The following PTPRD variants were observed in gnomAD, a reference collection of about 807,000 sequenced individuals.
PTPRD encodes the protein receptor-type tyrosine-protein phosphatase delta.
Under a neutral mutation model 214.5 loss-of-function variants are expected in PTPRD, and 34 were observed. The ratio of observed to expected loss-of-function variants is 0.16; its 90% CI spans 0.12 to 0.21. The LOEUF (loss-of-function observed/expected upper bound fraction) is 0.21. Ranked by LOEUF, PTPRD falls within the 10% of genes least tolerant of loss-of-function variation. The probability of loss-of-function intolerance (pLI) is 1.00; values close to 1 mark genes in which losing one functional copy is unlikely to be tolerated. For missense variants in PTPRD, 2,545 were observed against 2,398.7 expected, an observed-to-expected ratio of 1.06 and a Z score of -1.27; for synonymous variants, 1,128 against 845.7, an observed-to-expected ratio of 1.33 and a Z score of -5.79.
chr9:10,515,285 A>G (rs1449836630), intron 2 of PTPRD, among the ~76,000 whole-genome samples: 1 of 151,942 alleles, frequency 6.6e-6, no homozygotes, highest in Non-Finnish European at 1.5e-5. Context: ...AGAAATATAA[A>G]TTTTTTATGC....
At chr9:9,332,914 C>T (rs537610601) in intron 9 of PTPRD, among the ~76,000 whole-genome samples, 16 of 152,122 alleles carry the variant, frequency 1.1e-4, no homozygotes, top group African/African-American at 3.6e-4. Flanking sequence ...ATAAAAAGAA[C>T]TCTTACGCTG....
intron 7 of PTPRD, among the ~76,000 whole-genome samples, chr9:9,685,391 T>C (rs1193093121): frequency 6.6e-6 from 1 of 151,382 alleles, no homozygotes; most frequent in Non-Finnish European, 1.5e-5. Context: ...CAAATGCAAG[T>C]TCAGTAAAAG....
chr9:8,434,180 C>T (rs1405003531), intron 35 of PTPRD, among the ~76,000 whole-genome samples: 2 of 152,152 alleles, frequency 1.3e-5, no homozygotes, highest in Admixed American at 1.3e-4. Flanking sequence ...CGGGGTTTCA[C>T]CATGTTGACC....
At chr9:10,279,746 A>C (rs920013921) in intron 3 of PTPRD, among the ~76,000 whole-genome samples, 9 of 152,100 alleles carry the variant, frequency 5.9e-5, no homozygotes, top group African/African-American at 1.9e-4. Context: ...GCGACAGTTA[A>C]AATGTCAAGC....
At chr9:9,134,821 G>A (rs2099848427) in intron 10 of PTPRD, among the ~76,000 whole-genome samples, 1 of 152,122 alleles carries the variant, frequency 6.6e-6, no homozygotes, top group South Asian at 2.1e-4. Context: ...GTGTGTGTGT[G>A]TGTTTTCACT....
chr9:8,516,064 GT>G (rs1301529229), intron 21 of PTPRD, among the ~76,000 whole-genome samples: 1 of 152,150 alleles, frequency 6.6e-6, no homozygotes, highest in Non-Finnish European at 1.5e-5. Context: ...AAAGCTCAAA[GT>G]GGAATGTAAG....
chr9:8,945,197 C>G (rs1220218757), intron 11 of PTPRD, among the ~76,000 whole-genome samples: 3 of 140,600 alleles, frequency 2.1e-5, no homozygotes, highest in African/African-American at 7.7e-5. Context: ...TTGAATTTAT[C>G]AAACAGAAAA....
At chr9:9,254,625 T>G (rs1403964268) in intron 9 of PTPRD, among the ~76,000 whole-genome samples, 1 of 152,048 alleles carries the variant, frequency 6.6e-6, no homozygotes, top group Non-Finnish European at 1.5e-5. Flanking sequence ...ATGAAGATGA[T>G]TTGGAGTTGG....
At chr9:9,285,108 A>G (rs1191173162) in intron 9 of PTPRD, among the ~76,000 whole-genome samples, 1 of 151,788 alleles carries the variant, frequency 6.6e-6, no homozygotes, top group East Asian at 2.0e-4. Flanking sequence ...CATATTTGGC[A>G]TGAATAGTTT....
intron 30 of PTPRD, among the ~76,000 whole-genome samples, chr9:8,480,810 T>A (rs1188481152): frequency 6.6e-6 from 1 of 152,076 alleles, no homozygotes; most frequent in African/African-American, 2.4e-5. Flanking sequence ...GGATAAAAAT[T>A]ACACAAATAC....
chr9:9,313,049 T>C (rs1959986499), intron 9 of PTPRD, among the ~76,000 whole-genome samples: 1 of 152,172 alleles, frequency 6.6e-6, no homozygotes, highest in African/African-American at 2.4e-5. Context: ...CTCACATTTA[T>C]TTCAATGTTT....
intron 10 of PTPRD, among the ~76,000 whole-genome samples, chr9:9,140,424 G>C (rs1319312673): frequency 6.6e-6 from 1 of 152,016 alleles, no homozygotes; most frequent in Non-Finnish European, 1.5e-5. Flanking sequence ...AAATACTAAA[G>C]AAGGACAGAT....
chr9:9,709,881 A>G (rs1156700764), intron 7 of PTPRD, among the ~76,000 whole-genome samples: 1 of 152,072 alleles, frequency 6.6e-6, no homozygotes, highest in Non-Finnish European at 1.5e-5. Flanking sequence ...TCCTGAGGAA[A>G]CCTGTTTAAT....
intron 11 of PTPRD, among the ~76,000 whole-genome samples, chr9:8,779,580 C>A (rs1463423389): frequency 6.6e-6 from 1 of 152,314 alleles, no homozygotes; most frequent in South Asian, 2.1e-4. Context: ...AAGGCCCACT[C>A]TCTTTCTCTA....
At chr9:10,605,407 T>C (rs2079033402) in intron 2 of PTPRD, among the ~76,000 whole-genome samples, 1 of 151,940 alleles carries the variant, frequency 6.6e-6, no homozygotes, top group South Asian at 2.1e-4. Flanking sequence ...ATTGTGTCAA[T>C]ATTAGGATAG....
At chr9:10,360,381 A>G (rs1306112030) in intron 2 of PTPRD, among the ~76,000 whole-genome samples, 1 of 152,234 alleles carries the variant, frequency 6.6e-6, no homozygotes, top group Non-Finnish European at 1.5e-5. Flanking sequence ...ACTATATCAG[A>G]CAATGTCATG....
At chr9:9,928,481 G>A (rs151229055) in intron 5 of PTPRD, among the ~76,000 whole-genome samples, 1 of 152,014 alleles carries the variant, frequency 6.6e-6, no homozygotes, top group Admixed American at 6.6e-5. Context: ...AAACTTAAAA[G>A]GAGGGAATTT....
rs1043674971 is a variant in PTPRD at position 10,231,995 on chromosome 9, T to A, written c.-545+108968A>T. ...GAGAGAGAGAGAGAGAGAGAGTGTG[T>A]GTGTGTGTGTGTGTGTGTGTGTGTG... On this transcript the variant is annotated intron_variant, in intron 3 of 45. Coordinates refer to ENST00000381196, the MANE Select transcript of PTPRD (RefSeq NM_002839.4). Among the ~76,000 whole-genome samples, 294 of 131,514 alleles carry A rather than the reference T, an allele frequency of 2.2e-3. 1 individual carries two copies. The highest frequency in any genetic ancestry group is 0.011 in the African/African-American group (267 of 25,326). 86.3% of individuals were successfully genotyped at this position (131,514 alleles called of 152,430 possible).
At chr9:9,959,520 GAT>G (rs1228312153) in intron 4 of PTPRD, among the ~76,000 whole-genome samples, 1 of 152,144 alleles carries the variant, frequency 6.6e-6, no homozygotes, top group Non-Finnish European at 1.5e-5. Flanking sequence ...CAGATTGGAT[GAT>G]CCTAGAAAAA....
Sources: allele counts gnomAD v4.1 joint callset (sites outside exome capture counted in the v4.1 genomes callset), GRCh38; gene constraint gnomAD v4.1.1; transcripts MANE v1.5; gene names NCBI Gene and HGNC (gene_info 2026-07-23, HGNC 2026-07-21).